Variants in LRP1B observed in about 807,000 individuals in gnomAD.
LRP1B encodes the protein LDL receptor related protein 1B, also known as low-density lipoprotein receptor-related protein 1B.
Under a neutral mutation model 556.6 loss-of-function variants are expected in LRP1B, and 217 were observed. The observed-to-expected ratio is 0.39, with a 90% confidence interval of 0.35 to 0.44. The LOEUF is 0.44. LRP1B is among the 20% of genes least tolerant of loss of function. LRP1B has a pLI of 1.00. For synonymous variants in LRP1B, 2,047 were observed against 1,865.8 expected (o/e 1.10, Z -2.50); for missense variants, 5,053 against 5,620.8 (o/e 0.90, Z 3.23).
intron 1 of LRP1B, among the ~76,000 whole-genome samples, chr2:142,005,247 A>T (rs1293821391): frequency 6.6e-6 from 1 of 151,882 alleles, no homozygotes; most frequent in Non-Finnish European, 1.5e-5. Flanking sequence ...ATATGTAGGC[A>T]CATTCAATAA....
intron 7 of LRP1B, among the ~76,000 whole-genome samples, chr2:141,104,622 G>T (rs1368965550): frequency 6.6e-6 from 1 of 151,928 alleles, no homozygotes; most frequent in Non-Finnish European, 1.5e-5. Flanking sequence ...ATTCTTAATT[G>T]GTTGCTGAAA....
intron 1 of LRP1B, among the ~76,000 whole-genome samples, chr2:142,086,443 A>G (rs981301832): frequency 2.0e-5 from 3 of 152,240 alleles, no homozygotes; most frequent in Admixed American, 2.0e-4. Flanking sequence ...CCTCCTCTGT[A>G]CAAATGCAAA....
chr2:140,256,449 CTTTTTTTTTTTTTTTTTTTTTTTTTT>C (rs764826231), intron 86 of LRP1B, among the ~76,000 whole-genome samples: 2 of 25,292 alleles, frequency 7.9e-5, no homozygotes, highest in Middle Eastern at 0.019. Flanking sequence ...TTTTTCCTTC[CTTTTTTTTTTTTTTTTTTTTTTTTTT>C]TTTTTTTTTT....
chr2:142,068,853 A>G (rs1042813144), intron 1 of LRP1B, among the ~76,000 whole-genome samples: 1 of 151,644 alleles, frequency 6.6e-6, no homozygotes, highest in African/African-American at 2.4e-5. Context: ...TTTCTGTGAT[A>G]ATAATTTATT....
At chr2:141,058,777 G>T in intron 9 of LRP1B, 106 bp downstream of exon 9, 1 of 861,850 alleles carries the variant, frequency 1.2e-6, no homozygotes, top group Non-Finnish European at 1.6e-6. Flanking sequence ...TGCTGTCAAA[G>T]CAGAGAATTT....
At chr2:140,454,273 C>T (rs1371273136) in intron 62 of LRP1B, among the ~76,000 whole-genome samples, 1 of 152,064 alleles carries the variant, frequency 6.6e-6, no homozygotes, top group Non-Finnish European at 1.5e-5. Context: ...CTCACCCTCC[C>T]AAGTAGCTGG....
chr2:141,773,868 A>G lies in LRP1B; in HGVS notation c.205+36411T>C, dbSNP rs552015110. 9.2e-5 allele frequency among the ~76,000 whole-genome samples: 14 copies of G among 152,316 alleles called. No homozygotes were observed. The South Asian group carries it at 2.5e-3, about 27-fold the overall frequency. On this transcript the variant is annotated intron_variant, in intron 2 of 90. Coordinates refer to ENST00000389484, the MANE Select transcript of LRP1B (RefSeq NM_018557.3). Reference sequence around the variant, plus strand: ...ACAAAGAATATTGAAAAACAAAACAAATCAGGTGGAAGTAGCTTAAACTTT... The same window carrying G: ...ACAAAGAATATTGAAAAACAAAACAGATCAGGTGGAAGTAGCTTAAACTTT...
intron 2 of LRP1B, among the ~76,000 whole-genome samples, chr2:141,521,093 G>A (rs917870080): frequency 1.3e-5 from 2 of 151,884 alleles, no homozygotes; most frequent in Non-Finnish European, 2.9e-5. Context: ...ACATATATCA[G>A]TGAAAAAAAA....
At chr2:141,262,848 T>C (rs1684749990) in intron 3 of LRP1B, among the ~76,000 whole-genome samples, 1 of 152,052 alleles carries the variant, frequency 6.6e-6, no homozygotes, top group South Asian at 2.1e-4. Flanking sequence ...TATGCCTTGT[T>C]CTTTTATATT....
intron 1 of LRP1B, among the ~76,000 whole-genome samples, chr2:141,824,578 C>T (rs570909960): frequency 2.6e-5 from 4 of 152,294 alleles, no homozygotes; most frequent in South Asian, 2.1e-4. Flanking sequence ...TGGTCTCGAT[C>T]TCCTGACCTC....
At chr2:141,609,730 T>C (rs1376359435) in intron 2 of LRP1B, among the ~76,000 whole-genome samples, 1 of 152,172 alleles carries the variant, frequency 6.6e-6, no homozygotes, top group Non-Finnish European at 1.5e-5. Context: ...TTTCCTCTAA[T>C]GGTGATTTTC....
intron 1 of LRP1B, among the ~76,000 whole-genome samples, chr2:142,054,741 A>G (rs1704599476): frequency 6.6e-6 from 1 of 152,104 alleles, no homozygotes; most frequent in African/African-American, 2.4e-5. Context: ...TAATATTTTG[A>G]ATCAAAATTG....
chr2:140,249,916 G>A (rs1396375130), intron 86 of LRP1B, among the ~76,000 whole-genome samples: 2 of 151,860 alleles, frequency 1.3e-5, no homozygotes, highest in Non-Finnish European at 2.9e-5. Context: ...TAAAATTTGT[G>A]CAGATCATCA....
intron 1 of LRP1B, among the ~76,000 whole-genome samples, chr2:141,841,959 AGCTAGAGT>A (rs1429873460): frequency 2.0e-5 from 3 of 152,210 alleles, no homozygotes; most frequent in African/African-American, 7.2e-5. Flanking sequence ...ATATTTTACA[AGCTAGAGT>A]AAGTATTAAA....
intron 1 of LRP1B, among the ~76,000 whole-genome samples, chr2:141,998,846 G>A (rs1018856879): frequency 2.0e-5 from 3 of 152,126 alleles, no homozygotes; most frequent in Admixed American, 6.5e-5. Context: ...GGAGACCAAC[G>A]TTTTATCATA....
At chr2:141,419,888 T>C (rs1407112462) in intron 3 of LRP1B, among the ~76,000 whole-genome samples, 1 of 151,776 alleles carries the variant, frequency 6.6e-6, no homozygotes, top group Non-Finnish European at 1.5e-5. Context: ...CTTGTTATAA[T>C]TTCAACCTTC....
chr2:140,788,050 T>A (rs1259462019), intron 32 of LRP1B, among the ~76,000 whole-genome samples: 1 of 152,208 alleles, frequency 6.6e-6, no homozygotes, highest in African/African-American at 2.4e-5. Flanking sequence ...CTGTGACACT[T>A]ACTCTCTGGA....
intron 1 of LRP1B, among the ~76,000 whole-genome samples, chr2:141,944,959 T>C (rs1700911662): frequency 6.6e-6 from 1 of 152,198 alleles, no homozygotes; most frequent in Non-Finnish European, 1.5e-5. Context: ...TTGAAAAATA[T>C]GTTTTTCTTA....
intron 2 of LRP1B, among the ~76,000 whole-genome samples, chr2:141,595,474 G>T (rs1490089324): frequency 6.6e-6 from 1 of 152,048 alleles, no homozygotes; most frequent in East Asian, 1.9e-4. Context: ...CACCTCATCA[G>T]ATTTTTTATT....
Sources: allele counts gnomAD v4.1 joint callset (sites outside exome capture counted in the v4.1 genomes callset), GRCh38; gene constraint gnomAD v4.1.1; transcripts MANE v1.5; gene names NCBI Gene and HGNC (gene_info 2026-07-23, HGNC 2026-07-21).